Variants in CRB1 observed in about 807,000 individuals in gnomAD.
The protein encoded by CRB1 is crumbs cell polarity complex component 1.
Under a neutral mutation model 120.0 loss-of-function variants are expected in CRB1, and 83 were observed. The ratio of observed to expected loss-of-function variants is 0.69; its 90% CI spans 0.58 to 0.83. CRB1 has a LOEUF of 0.83. Among genes scored for constraint, CRB1 ranks in the 40% least tolerant of loss-of-function variants. The pLI is 0.00. For missense variants in CRB1, 1,699 were observed against 1,687.6 expected (o/e 1.01, Z -0.12); for synonymous variants, 625 against 612.5 (o/e 1.02, Z -0.30).
At chr1:197,294,761 A>G (rs1283641471) in intron 1 of CRB1, among the ~76,000 whole-genome samples, 2 of 152,184 alleles carry the variant, frequency 1.3e-5, no homozygotes, top group Non-Finnish European at 2.9e-5. Flanking sequence ...TTGTAGGGAC[A>G]TGGATGAAGC....
In CRB1 at chr1:197,462,888, CT is replaced by C. The variant is rs66833712; in HGVS notation, c.4006-14764del. On this transcript the variant is annotated intron_variant, in intron 11 of 11. Transcript: ENST00000367400. ...CAGGCAGCCTATAGCCAATGCAGAT[CT>C]TTTTTTTTTTTCTTCACCATTAATA... is the stretch of plus-strand genomic sequence containing the variant. Among the ~76,000 whole-genome samples the C allele has an allele frequency of 1.3e-3, 197 of 147,644 alleles. 2 individuals carry two copies. The highest frequency in any genetic ancestry group is 4.3e-3 in the African/African-American group (172 of 40,404).
chr1:197,454,285 A>G (rs1666174733), intron 11 of CRB1, among the ~76,000 whole-genome samples: 1 of 151,720 alleles, frequency 6.6e-6, no homozygotes, highest in African/African-American at 2.4e-5. Context: ...TACTTACTTA[A>G]GACAGAATTT....
At chr1:197,285,557 A>G (rs1655779635) in intron 1 of CRB1, among the ~76,000 whole-genome samples, 1 of 151,920 alleles carries the variant, frequency 6.6e-6, no homozygotes, top group African/African-American at 2.4e-5. Context: ...AATGGTAGCA[A>G]ATATTACAAC....
chr1:197,245,404 G>A, the CRB1 span, among the ~76,000 whole-genome samples: 971 of 152,144 alleles, frequency 6.4e-3, 15 homozygotes, highest in African/African-American at 0.023. Flanking sequence ...GGCTGAGGTC[G>A]GAGGATCACT....
chr1:197,223,202 G>T, the CRB1 span: 5 of 1,166,074 alleles, frequency 4.3e-6, no homozygotes, highest in East Asian at 4.7e-5. Flanking sequence ...CATGGATCCT[G>T]GATATGATAG....
chr1:197,383,516 CTT>C (rs1293162813), intron 5 of CRB1, among the ~76,000 whole-genome samples: 6 of 152,192 alleles, frequency 3.9e-5, no homozygotes, highest in Admixed American at 3.3e-4. Context: ...TTAAGATACT[CTT>C]TGTTGAATTC....
intron 2 of CRB1, among the ~76,000 whole-genome samples, chr1:197,336,617 T>C (rs1046357186): frequency 6.6e-6 from 1 of 152,214 alleles, no homozygotes; most frequent in African/African-American, 2.4e-5. Flanking sequence ...GACAAATGTT[T>C]GTTGAATGAG....
At chr1:197,370,582 A>T (rs928158169) in intron 5 of CRB1, among the ~76,000 whole-genome samples, 1 of 152,214 alleles carries the variant, frequency 6.6e-6, no homozygotes, top group African/African-American at 2.4e-5. Context: ...ATCAACAATG[A>T]AATCAAGAAG....
At chr1:197,339,428 G>C (rs923366838) in intron 2 of CRB1, among the ~76,000 whole-genome samples, 1 of 152,078 alleles carries the variant, frequency 6.6e-6, no homozygotes, top group Admixed American at 6.6e-5. Context: ...CCCCAAAATA[G>C]CATACATAAT....
At chr1:197,370,728 GTACATGTCTTTGAAC>G (rs548378516) in intron 5 of CRB1, among the ~76,000 whole-genome samples, 1 of 152,282 alleles carries the variant, frequency 6.6e-6, no homozygotes, top group Non-Finnish European at 1.5e-5. Flanking sequence ...TCATGTTGAA[GTACATGTCTTTGAAC>G]TGCACTGCTC....
intron 11 of CRB1, among the ~76,000 whole-genome samples, chr1:197,457,522 G>T (rs906002233): frequency 5.9e-5 from 9 of 152,078 alleles, no homozygotes; most frequent in Middle Eastern, 3.2e-3. Context: ...GAGAGCTATA[G>T]GAAGGTGGAG....
At chr1:197,428,862 G>A in intron 7 of CRB1, 2 of 1,126,090 alleles carry the variant, frequency 1.8e-6, no homozygotes, top group Admixed American at 2.5e-5. Context: ...GTAGACCCAG[G>A]ACAAACACAG....
the CRB1 span, among the ~76,000 whole-genome samples, chr1:197,202,985 G>GTC: frequency 6.7e-6 from 1 of 149,964 alleles, no homozygotes; most frequent in African/African-American, 2.5e-5. Flanking sequence ...GTGTGTGTCT[G>GTC]TGTGTGTGTG....
At chr1:197,435,838 T>C (rs1166132287) in intron 9 of CRB1, among the ~76,000 whole-genome samples, 1 of 152,100 alleles carries the variant, frequency 6.6e-6, no homozygotes, top group Non-Finnish European at 1.5e-5. Context: ...CAGCAAAATA[T>C]TTTCTCAGTC....
At chr1:197,366,674 G>A (rs934833246) in intron 5 of CRB1, among the ~76,000 whole-genome samples, 8 of 152,284 alleles carry the variant, frequency 5.3e-5, no homozygotes, top group African/African-American at 1.9e-4. Context: ...GGAACTCAAG[G>A]AGGCAGAGAA....
chr1:197,353,751 A>G (rs1227493928), intron 4 of CRB1, among the ~76,000 whole-genome samples: 1 of 151,266 alleles, frequency 6.6e-6, no homozygotes, highest in Non-Finnish European at 1.5e-5. Context: ...CAGTCAGCCA[A>G]GATCACACCA....
At chr1:197,470,893 T>C (rs1456967689) in intron 11 of CRB1, among the ~76,000 whole-genome samples, 2 of 152,234 alleles carry the variant, frequency 1.3e-5, no homozygotes, top group African/African-American at 4.8e-5. Flanking sequence ...ATGTCAAATC[T>C]CAGTGTCACT....
intron 4 of CRB1, among the ~76,000 whole-genome samples, chr1:197,355,771 T>A (rs940343911): frequency 1.1e-4 from 16 of 151,772 alleles, no homozygotes; most frequent in African/African-American, 3.6e-4. Context: ...CACACACATC[T>A]GTCCCTCCAC....
At chr1:197,275,670 C>T (rs1655162857) in intron 1 of CRB1, among the ~76,000 whole-genome samples, 1 of 151,962 alleles carries the variant, frequency 6.6e-6, no homozygotes, top group Non-Finnish European at 1.5e-5. Context: ...TAAAATAGCA[C>T]TAGAATTAGG....
Sources: gnomAD v4.1 joint callset for allele counts (sites outside exome capture counted in the v4.1 genomes callset) on GRCh38, gnomAD v4.1.1 for gene constraint, MANE v1.5 for transcripts, NCBI Gene and HGNC (gene_info 2026-07-23, HGNC 2026-07-21) for gene names.